Variants in CYRIB observed in about 807,000 individuals in gnomAD.
CYRIB encodes the protein CYFIP related Rac1 interactor B.
Under a neutral mutation model 44.2 loss-of-function variants are expected in CYRIB, and 8 were observed. The ratio of observed to expected loss-of-function variants is 0.18; its 90% CI spans 0.11 to 0.33. The LOEUF (loss-of-function observed/expected upper bound fraction) is 0.33. Among genes scored for constraint, CYRIB ranks in the 10% least tolerant of loss-of-function variants. CYRIB has a pLI of 1.00. For synonymous variants in CYRIB, 131 were observed against 127.2 expected (o/e 1.03, Z -0.20); for missense variants, 185 against 382.8 (o/e 0.48, Z 4.31).
intron 1 of CYRIB, among the ~76,000 whole-genome samples, chr8:130,004,200 A>G (rs1001098265): frequency 6.6e-6 from 1 of 152,210 alleles, no homozygotes; most frequent in Non-Finnish European, 1.5e-5. Flanking sequence ...TATCAAGACA[A>G]CTTAGCACAT....
chr8:129,941,459 A>G (rs192327503), upstream of CYRIB, among the ~76,000 whole-genome samples: 2 of 152,024 alleles, frequency 1.3e-5, no homozygotes, highest in Non-Finnish European at 2.9e-5. Flanking sequence ...ATTTTAGTAG[A>G]GACGGGGTTT....
intron 7 of CYRIB, among the ~76,000 whole-genome samples, chr8:129,852,677 A>C (rs1363032198): frequency 6.6e-6 from 1 of 152,230 alleles, no homozygotes; most frequent in East Asian, 1.9e-4. Flanking sequence ...AACAGAAGAA[A>C]CTAAGGAGAA....
intron 2 of CYRIB, among the ~76,000 whole-genome samples, chr8:129,895,041 G>A (rs1009377681): frequency 7.1e-6 from 1 of 140,640 alleles, no homozygotes; most frequent in Non-Finnish European, 1.5e-5. Context: ...TGGCTCAATC[G>A]ATCCTCCCAC....
chr8:129,981,172 C>G (rs182944627), intron 1 of CYRIB, among the ~76,000 whole-genome samples: 1 of 152,036 alleles, frequency 6.6e-6, no homozygotes, highest in African/African-American at 2.4e-5. Flanking sequence ...CAAGGTCTGG[C>G]TCTGTCGCTC....
intron 11 of CYRIB, 25 bp downstream of exon 13, chr8:129,846,779 C>G: frequency 6.6e-7 from 1 of 1,516,000 alleles, no homozygotes; most frequent in Non-Finnish European, 8.9e-7. Context: ...TTTTTCTGTA[C>G]ATACGTACAC....
chr8:129,905,298 A>C (rs1433149079), intron 1 of CYRIB, among the ~76,000 whole-genome samples: 1 of 152,100 alleles, frequency 6.6e-6, no homozygotes, highest in African/African-American at 2.4e-5. Flanking sequence ...GCTCACTGCA[A>C]GCTCTGCCTC....
chr8:129,911,471 ACTT>A (rs1234032003), intron 1 of CYRIB, among the ~76,000 whole-genome samples: 1 of 152,064 alleles, frequency 6.6e-6, no homozygotes, highest in Non-Finnish European at 1.5e-5. Flanking sequence ...TTTTCCACTA[ACTT>A]CTTTTATTGT....
chr8:129,939,971 GC>G (rs1371914905), upstream of CYRIB: 1 of 152,386 alleles, frequency 6.6e-6, no homozygotes, highest in African/African-American at 2.4e-5. Flanking sequence ...TCCCGAAGGG[GC>G]GGGGCGAAGC....
chr8:129,916,507 C>CTAGAGCATGTT (rs1179103141), intron 1 of CYRIB, among the ~76,000 whole-genome samples: 37 of 152,276 alleles, frequency 2.4e-4, no homozygotes, highest in Non-Finnish European at 1.5e-5. Context: ...TTTCAGGCTA[C>CTAGAGCATGTT]TCCTAATAAA....
intron 2 of CYRIB, among the ~76,000 whole-genome samples, chr8:129,953,804 T>C (rs1342084790): frequency 2.6e-5 from 4 of 152,140 alleles, no homozygotes; most frequent in African/African-American, 9.7e-5. Context: ...GGAGGTAAGA[T>C]TGAACCCTCG....
At chr8:130,005,946 A>G (rs1296133861) in intron 1 of CYRIB, among the ~76,000 whole-genome samples, 1 of 152,132 alleles carries the variant, frequency 6.6e-6, no homozygotes, top group African/African-American at 2.4e-5. Flanking sequence ...TACCCTTAAC[A>G]GATATTTCTC....
Position 129,994,510 on chromosome 8 carries a change from C to G in CYRIB, c.-296+21860G>C, listed in dbSNP as rs527668516. Reference sequence around the variant, plus strand: ...AGAAGGTGGGTTCACCTCTATGGAACTGAACCGCAGAAGCCTGGGTGTTCA... The same window carrying G: ...AGAAGGTGGGTTCACCTCTATGGAAGTGAACCGCAGAAGCCTGGGTGTTCA... On this transcript the variant is annotated intron_variant, in intron 1 of 14. Coordinates refer to the CYRIB transcript ENST00000401979. 1.6e-3 allele frequency among the ~76,000 whole-genome samples: 245 copies of G among 152,316 alleles called. 1 individual carries two copies. Among genetic ancestry groups the G allele is most frequent in the African/African-American group, 5.7e-3 (238 of 41,564 alleles).
intron 1 of CYRIB, among the ~76,000 whole-genome samples, chr8:129,997,115 A>G (rs2096790240): frequency 1.0e-5 from 1 of 100,272 alleles, no homozygotes; most frequent in Non-Finnish European, 1.8e-5. Context: ...GGAAGGAAGG[A>G]AGGAAGGAGG....
chr8:130,014,061 C>G (rs1443601845), intron 1 of CYRIB, among the ~76,000 whole-genome samples: 1 of 152,176 alleles, frequency 6.6e-6, no homozygotes, highest in Non-Finnish European at 1.5e-5. Context: ...TGGGCCAAGT[C>G]CTGCACTCTC....
intron 1 of CYRIB, among the ~76,000 whole-genome samples, chr8:129,975,413 G>C (rs1317387805): frequency 6.6e-6 from 1 of 152,158 alleles, no homozygotes; most frequent in South Asian, 2.1e-4. Flanking sequence ...TTTATCCACA[G>C]TTCTGTACTC....
At chr8:129,949,216 G>A (rs2094364100) in intron 2 of CYRIB, 1 of 152,144 alleles carries the variant, frequency 6.6e-6, no homozygotes, top group East Asian at 1.9e-4. Context: ...ATCATTAGAA[G>A]ACAAAAGGAT....
chr8:129,938,188 C>T (rs2093150884), intron 1 of CYRIB, among the ~76,000 whole-genome samples: 1 of 152,098 alleles, frequency 6.6e-6, no homozygotes, highest in African/African-American at 2.4e-5. Flanking sequence ...AACTGCAACA[C>T]TTTGCAAACA....
intron 1 of CYRIB, among the ~76,000 whole-genome samples, chr8:129,934,390 A>C (rs527850999): frequency 5.5e-4 from 84 of 152,304 alleles, no homozygotes; most frequent in South Asian, 1.5e-3. Context: ...CTTTACATGA[A>C]AAAGGGCTGG....
In CYRIB at chr8:129,927,138, A is replaced by C. The variant is rs140126927; in HGVS notation, c.-50+12470T>G. The stretch of plus-strand genomic sequence containing the variant: ...TCTCTACTAAAAATACACACACAAA[A>C]AAAAATAGCCAAGTATGGTGGTGCG... On this transcript the variant is annotated intron_variant, in intron 1 of 11. Coordinates refer to ENST00000519824, the Ensembl canonical transcript of CYRIB. Among the ~76,000 whole-genome samples the C allele has an allele frequency of 9.8e-3, 1,487 of 152,080 alleles. 23 individuals are homozygous for C. Among genetic ancestry groups the C allele is most frequent in the African/African-American group, 0.034 (1,395 of 41,462 alleles).
Sources: gnomAD v4.1 joint callset for allele counts (sites outside exome capture counted in the v4.1 genomes callset) on GRCh38, gnomAD v4.1.1 for gene constraint, MANE v1.5 for transcripts, NCBI Gene and HGNC (gene_info 2026-07-23, HGNC 2026-07-21) for gene names.